The following SIPA1L1 variants were observed in gnomAD, a reference collection of about 807,000 sequenced individuals.
SIPA1L1 encodes signal-induced proliferation-associated 1-like protein 1.
Under a neutral mutation model 162.7 loss-of-function variants are expected in SIPA1L1, and 26 were observed. The observed-to-expected ratio is 0.16, with a 90% CI of 0.12 to 0.22. The LOEUF (loss-of-function observed/expected upper bound fraction) is 0.22. SIPA1L1 is among the 10% of genes least tolerant of loss of function. The pLI, the probability that SIPA1L1 is intolerant of heterozygous loss-of-function variation, is 1.00. For missense variants in SIPA1L1, 1,874 were observed against 2,241.0 expected, an observed-to-expected ratio of 0.84 and a Z score of 3.31; for synonymous variants, 829 against 837.4, an observed-to-expected ratio of 0.99 and a Z score of 0.17.
intron 4 of SIPA1L1, among the ~76,000 whole-genome samples, chr14:71,555,576 CA>C (rs1371702367): frequency 6.6e-6 from 1 of 152,180 alleles, no homozygotes; most frequent in Non-Finnish European, 1.5e-5. Context: ...TAATTTTCTT[CA>C]AAAACTTTTC....
At position 71,627,355 on chromosome 14, in the gene SIPA1L1, C is replaced by T. The variant is rs936912881; in HGVS notation, c.1818+3119C>T. Among the ~76,000 whole-genome samples the T allele has an allele frequency of 1.4e-4, 22 of 151,876 alleles. 1 individual carries two copies. Among genetic ancestry groups the T allele is most frequent in the Admixed American group, 1.1e-3 (17 of 15,238 alleles). On this transcript the variant is annotated intron_variant, in intron 7 of 23. Transcript: ENST00000381232. ...AGAAATGGGGTTTCATCACATTGGC[C>T]AGGGTGGTCTCGAACTCCTGACATC...
chr14:71,598,239 A>G (rs2036278773), intron 5 of SIPA1L1: 1 of 985,194 alleles, frequency 1.0e-6, no homozygotes, highest in Non-Finnish European at 1.2e-6. Flanking sequence ...TTACTATTGT[A>G]AACTTTACTG....
In SIPA1L1 at chr14:71,690,689, C is replaced by T. The variant is rs375972314; in HGVS notation, c.3374+5058C>T. On this transcript the variant is annotated intron_variant, in intron 13 of 23. Coordinates refer to ENST00000381232, the MANE Select transcript of SIPA1L1 (RefSeq NM_001386936.1). The stretch of plus-strand genomic sequence containing the variant: ...TTTTTTTTGTATCGTCAGCTCTTTG[C>T]GCCTATCTCATCACCCTGAAATTTG... Among the ~76,000 whole-genome samples the T allele has an allele frequency of 7.2e-5, 11 of 152,274 alleles. No homozygotes were observed. The South Asian group carries it at 8.3e-4, about 12-fold the overall frequency.
intron 2 of SIPA1L1, among the ~76,000 whole-genome samples, chr14:71,390,265 A>G (rs1176055403): frequency 1.3e-5 from 2 of 152,230 alleles, no homozygotes; most frequent in Admixed American, 6.5e-5. Flanking sequence ...GGAAAGTACA[A>G]TAAAGCATGA....
rs182419883 is a variant in SIPA1L1 at position 71,652,181 on chromosome 14, C to T, written c.1993+1672C>T. Among the ~76,000 whole-genome samples, 3 of 152,262 alleles carry T rather than the reference C, an allele frequency of 2.0e-5. No individual in the cohort carries two copies. The East Asian group carries it at 5.8e-4, about 29-fold the overall frequency. ...AGTACGCAAAATCATCTCTTTTACT[C>T]CAAGCTTATTAATAGGGGCAAAAAC... On this transcript the variant is annotated intron_variant, in intron 8 of 23. Coordinates refer to ENST00000381232, the MANE Select transcript of SIPA1L1 (RefSeq NM_001386936.1).
intron 5 of SIPA1L1, among the ~76,000 whole-genome samples, chr14:71,603,248 T>C (rs1436306359): frequency 2.6e-5 from 4 of 152,142 alleles, no homozygotes; most frequent in Non-Finnish European, 5.9e-5. Context: ...GTAAGATGAG[T>C]TTCTTGTGGA....
intron 2 of SIPA1L1, among the ~76,000 whole-genome samples, chr14:71,397,395 C>G (rs1250627277): frequency 6.7e-6 from 1 of 150,020 alleles, no homozygotes; most frequent in Non-Finnish European, 1.5e-5. Flanking sequence ...ATCTTATTAA[C>G]TAGTATTTCT....
At chr14:71,603,377 G>T (rs2037028965) in intron 5 of SIPA1L1, among the ~76,000 whole-genome samples, 1 of 151,894 alleles carries the variant, frequency 6.6e-6, no homozygotes, top group Non-Finnish European at 1.5e-5. Context: ...ACATATTTCT[G>T]TCACTTTATT....
intron 5 of SIPA1L1, among the ~76,000 whole-genome samples, chr14:71,591,643 A>G (rs958385805): frequency 7.2e-5 from 11 of 152,224 alleles, no homozygotes; most frequent in African/African-American, 2.4e-4. Context: ...TATACATTCA[A>G]ACTGTTTTAT....
At chr14:71,513,973 C>T (rs781504310) in intron 3 of SIPA1L1, among the ~76,000 whole-genome samples, 7 of 152,058 alleles carry the variant, frequency 4.6e-5, no homozygotes, top group East Asian at 1.9e-4. Context: ...TTACCGGCGG[C>T]GAATCCGTAC....
chr14:71,652,222 A>T (rs1422438702), intron 8 of SIPA1L1, among the ~76,000 whole-genome samples: 1 of 152,186 alleles, frequency 6.6e-6, no homozygotes, highest in Non-Finnish European at 1.5e-5. Flanking sequence ...TCTATTCACT[A>T]TGCCATTTAA....
intron 4 of SIPA1L1, among the ~76,000 whole-genome samples, chr14:71,579,302 T>C (rs2033582138): frequency 6.6e-6 from 1 of 152,184 alleles, no homozygotes; most frequent in Non-Finnish European, 1.5e-5. Flanking sequence ...TTTTTTTTTC[T>C]ATATTTCTAG....
intron 22 of SIPA1L1, among the ~76,000 whole-genome samples, chr14:71,737,510 G>A (rs1410275239): frequency 6.6e-6 from 1 of 152,002 alleles, no homozygotes; most frequent in Non-Finnish European, 1.5e-5. Context: ...TAGGACCCTC[G>A]GGGTGAGAGC....
At chr14:71,733,028 T>C (rs577476571) in intron 20 of SIPA1L1, among the ~76,000 whole-genome samples, 1 of 152,214 alleles carries the variant, frequency 6.6e-6, no homozygotes, top group South Asian at 2.1e-4. Context: ...CTGGCCAACA[T>C]AGTGAAACCC....
At chr14:71,396,708 T>C (rs1359820267) in intron 2 of SIPA1L1, among the ~76,000 whole-genome samples, 1 of 152,194 alleles carries the variant, frequency 6.6e-6, no homozygotes, top group East Asian at 1.9e-4. Context: ...TAATTTTATG[T>C]TGTTTTGAGT....
At chr14:71,613,008 A>G (rs2038402342) in intron 5 of SIPA1L1, among the ~76,000 whole-genome samples, 2 of 152,186 alleles carry the variant, frequency 1.3e-5, no homozygotes, top group Non-Finnish European at 2.9e-5. Context: ...AAATGTGAGG[A>G]ATGGAGTAGG....
chr14:71,731,243 C>T (rs953296727), intron 20 of SIPA1L1, among the ~76,000 whole-genome samples: 5 of 152,154 alleles, frequency 3.3e-5, no homozygotes, highest in African/African-American at 9.7e-5. Context: ...ATGAATGTTC[C>T]TCCATGTCTC....
chr14:71,692,910 G>A (rs2081350018), intron 13 of SIPA1L1, among the ~76,000 whole-genome samples: 1 of 152,180 alleles, frequency 6.6e-6, no homozygotes, highest in Non-Finnish European at 1.5e-5. Context: ...GCCATGATTT[G>A]CATCCTGCCT....
At chr14:71,559,274 G>T (rs1596115808) in intron 4 of SIPA1L1, among the ~76,000 whole-genome samples, 1 of 151,886 alleles carries the variant, frequency 6.6e-6, no homozygotes, top group African/African-American at 2.4e-5. Context: ...CGCCATGTTG[G>T]CCAGGCTGGT....
Sources: allele counts gnomAD v4.1 joint callset (sites outside exome capture counted in the v4.1 genomes callset), GRCh38; gene constraint gnomAD v4.1.1; transcripts MANE v1.5; gene names NCBI Gene and HGNC (gene_info 2026-07-23, HGNC 2026-07-21).